ADAMTSL3: variants seen among roughly 807,000 people sequenced by gnomAD.
ADAMTSL3 encodes the protein ADAMTS-like protein 3.
In ADAMTSL3, 128 loss-of-function variants were observed where a neutral mutation model predicts 201.7. The ratio of observed to expected loss-of-function variants is 0.63; its 90% CI spans 0.55 to 0.73. The LOEUF is 0.73. Ranked by LOEUF, ADAMTSL3 falls within the 30% of genes least tolerant of loss-of-function variation. ADAMTSL3 has a pLI of 0.00. For missense variants in ADAMTSL3, 1,990 were observed against 2,119.6 expected (o/e 0.94, Z 1.20); for synonymous variants, 738 against 748.4 (o/e 0.99, Z 0.23).
At chr15:83,722,968 G>A (rs143842790) in intron 3 of ADAMTSL3, among the ~76,000 whole-genome samples, 154 of 152,226 alleles carry the variant, frequency 1.0e-3, no homozygotes, top group South Asian at 1.7e-3. Context: ...TGAATGGAAA[G>A]TAAAATGTAT....
chr15:83,823,943 CTTCTTCTTCTTCTTCTTCTTCTTCTTCTT>C lies in ADAMTSL3; in HGVS notation c.600+3897_600+3925del, dbSNP rs1567169686. On this transcript the variant is annotated intron_variant, in intron 6 of 29. Coordinates refer to ENST00000286744, the MANE Select transcript of ADAMTSL3 (RefSeq NM_207517.3). Reference sequence around the variant, plus strand: ...TCTTCTTCTTCTTCTTCTTCTTCTTCTTCTTCTTCTTCTTCTTCTTCTTCTTCTTCTCCTCCTCCTCCTCCTCCTTCTCC... The same window carrying C: ...TCTTCTTCTTCTTCTTCTTCTTCTTCCTCCTCCTCCTCCTCCTCCTTCTCC... Among the ~76,000 whole-genome samples the C allele has an allele frequency of 5.5e-3, 572 of 104,498 alleles. 41 individuals carry two copies. In the East Asian group the frequency reaches 0.097, roughly 18 times the overall value. 68.6% of individuals were successfully genotyped at this position (104,498 alleles called of 152,430 possible).
intron 5 of ADAMTSL3, among the ~76,000 whole-genome samples, chr15:83,818,994 C>T (rs987741490): frequency 2.6e-5 from 4 of 152,068 alleles, no homozygotes; most frequent in South Asian, 2.1e-4. Context: ...AACGACAGGC[C>T]GGGCACTGTG....
chr15:83,665,154 G>T (rs1225346964), intron 2 of ADAMTSL3, among the ~76,000 whole-genome samples: 2 of 152,150 alleles, frequency 1.3e-5, no homozygotes, highest in Non-Finnish European at 2.9e-5. Context: ...AAGAGGATAT[G>T]AACGTGGGGA....
intron 19 of ADAMTSL3, among the ~76,000 whole-genome samples, chr15:83,968,942 G>A (rs890940160): frequency 1.3e-5 from 2 of 152,268 alleles, no homozygotes; most frequent in Admixed American, 1.3e-4. Flanking sequence ...TCTTAAGTGG[G>A]AGTTGAACAA....
intron 15 of ADAMTSL3, among the ~76,000 whole-genome samples, chr15:83,908,860 C>G (rs1464805883): frequency 1.3e-5 from 2 of 152,186 alleles, no homozygotes; most frequent in African/African-American, 2.4e-5. Context: ...TACTAGTAGG[C>G]CAGGATCAAG....
intron 23 of ADAMTSL3, among the ~76,000 whole-genome samples, chr15:83,996,141 A>T (rs1316896947): frequency 6.6e-6 from 1 of 152,228 alleles, no homozygotes; most frequent in African/African-American, 2.4e-5. Flanking sequence ...CATAAAATAT[A>T]AGAGATGTCT....
chr15:83,983,348 A>G lies in ADAMTSL3; in HGVS notation c.3716+4A>G, dbSNP rs771614949. 2.7e-6 allele frequency: 4 copies of G among 1,470,750 alleles called. No homozygotes were observed. The Admixed American group carries it at 1.0e-4, about 37-fold the overall frequency. 91.1% of individuals were successfully genotyped at this position (1,470,750 alleles called of 1,614,324 possible). A position where few individuals can be genotyped will look rare whatever the true frequency, so the allele number is the denominator to read the frequency against. ...CCTTGTTACAGCCCTCAGTAAAGTA[A>G]GTAAAATAAAAATGCAGTATTCATT... is the stretch of plus-strand genomic sequence containing the variant. On this transcript the variant is annotated splice_donor_region_variant and intron_variant, in intron 21 of 29. Coordinates refer to ENST00000286744, the MANE Select transcript of ADAMTSL3 (RefSeq NM_207517.3).
intron 25 of ADAMTSL3, among the ~76,000 whole-genome samples, chr15:84,018,539 G>A (rs2068130905): frequency 6.6e-6 from 1 of 152,196 alleles, no homozygotes; most frequent in African/African-American, 2.4e-5. Context: ...CCTTCTAAGA[G>A]GTTATATTTG....
intron 3 of ADAMTSL3, among the ~76,000 whole-genome samples, chr15:83,755,385 T>A (rs2062703745): frequency 6.6e-6 from 1 of 152,318 alleles, no homozygotes; most frequent in South Asian, 2.1e-4. Context: ...CTTGCAAAAC[T>A]GAACCTACTG....
chr15:83,794,441 G>C (rs906674305), intron 4 of ADAMTSL3, among the ~76,000 whole-genome samples: 1 of 152,138 alleles, frequency 6.6e-6, no homozygotes, highest in Non-Finnish European at 1.5e-5. Flanking sequence ...TAAACAAATG[G>C]TGTTACATCC....
intron 7 of ADAMTSL3, among the ~76,000 whole-genome samples, chr15:83,845,910 A>G (rs1006581493): frequency 1.3e-5 from 2 of 152,162 alleles, no homozygotes; most frequent in South Asian, 4.2e-4. Flanking sequence ...CCTCATTGGT[A>G]TGTGAGCTCC....
intron 2 of ADAMTSL3, among the ~76,000 whole-genome samples, chr15:83,669,652 T>C (rs2061301150): frequency 6.6e-6 from 1 of 150,774 alleles, no homozygotes; most frequent in African/African-American, 2.4e-5. Context: ...GTATTTTTAG[T>C]AGAGACGGGG....
At chr15:83,985,783 C>A (rs940199699) in intron 21 of ADAMTSL3, among the ~76,000 whole-genome samples, 1 of 152,040 alleles carries the variant, frequency 6.6e-6, no homozygotes, top group Admixed American at 6.6e-5. Flanking sequence ...CAGGTGAACA[C>A]CACCACCCCC....
intron 7 of ADAMTSL3, among the ~76,000 whole-genome samples, chr15:83,842,003 G>A (rs553984468): frequency 2.0e-4 from 31 of 151,260 alleles, no homozygotes; most frequent in Non-Finnish European, 3.8e-4. Flanking sequence ...TAAGCGACCC[G>A]ACTCCAGGGG....
chr15:83,953,301 C>T (rs1009934405), intron 19 of ADAMTSL3, among the ~76,000 whole-genome samples: 12 of 151,906 alleles, frequency 7.9e-5, no homozygotes, highest in African/African-American at 2.4e-4. Context: ...CTGTATCCAT[C>T]GTATGGTTTT....
intron 3 of ADAMTSL3, chr15:83,740,116 G>A: frequency 3.5e-6 from 1 of 285,206 alleles, no homozygotes. Context: ...TACACCATTG[G>A]CAAGGAGATC....
chr15:83,776,477 G>A (rs2063076376), intron 4 of ADAMTSL3, among the ~76,000 whole-genome samples: 1 of 152,194 alleles, frequency 6.6e-6, no homozygotes, highest in South Asian at 2.1e-4. Flanking sequence ...CAGCACTTTG[G>A]GAGGCCGAGG....
intron 5 of ADAMTSL3, among the ~76,000 whole-genome samples, chr15:83,805,514 G>A (rs893169556): frequency 6.0e-5 from 9 of 150,672 alleles, no homozygotes; most frequent in East Asian, 3.9e-4. Flanking sequence ...CCAAGATCGC[G>A]CCACTGCACT....
chr15:83,917,167 G>C (rs900713885), intron 16 of ADAMTSL3, among the ~76,000 whole-genome samples: 2 of 152,190 alleles, frequency 1.3e-5, no homozygotes, highest in Non-Finnish European at 2.9e-5. Flanking sequence ...ATTTCTGCTG[G>C]AAAAGTAATA....
Sources: gnomAD v4.1 joint callset for allele counts (sites outside exome capture counted in the v4.1 genomes callset) on GRCh38, gnomAD v4.1.1 for gene constraint, MANE v1.5 for transcripts, NCBI Gene and HGNC (gene_info 2026-07-23, HGNC 2026-07-21) for gene names.